The following FGF12 variants were observed in gnomAD, a reference collection of about 807,000 sequenced individuals.
FGF12 encodes fibroblast growth factor 12, also known as fibroblast growth factor 12B.
A neutral mutation model predicts 23.6 loss-of-function variants in FGF12; 14 were observed. The ratio of observed to expected loss-of-function variants is 0.59; its 90% CI spans 0.39 to 0.93. The LOEUF (loss-of-function observed/expected upper bound fraction) is 0.93. Among genes scored for constraint, FGF12 ranks in the 40% least tolerant of loss-of-function variants. The pLI is 0.00. For missense variants in FGF12, 175 were observed against 217.8 expected (o/e 0.80, Z 1.24); for synonymous variants, 62 against 77.3 (o/e 0.80, Z 1.04).
At chr3:192,265,450 T>C (rs1052843097) in intron 4 of FGF12, 1 of 152,144 alleles carries the variant, frequency 6.6e-6, no homozygotes, top group Non-Finnish European at 1.5e-5. Context: ...TTATTTCTCA[T>C]GATAAGTATT....
At chr3:192,199,513 GA>G (rs1717249668) in intron 4 of FGF12, among the ~76,000 whole-genome samples, 1 of 152,174 alleles carries the variant, frequency 6.6e-6, no homozygotes, top group Non-Finnish European at 1.5e-5. Flanking sequence ...CTAACAAATG[GA>G]GGCCAAATGT....
chr3:192,184,504 T>C (rs1042119187), intron 4 of FGF12, among the ~76,000 whole-genome samples: 1 of 152,114 alleles, frequency 6.6e-6, no homozygotes, highest in Admixed American at 6.5e-5. Flanking sequence ...TGGTCTGAAT[T>C]AGAGATGGTG....
At chr3:192,187,209 G>A (rs1406087022) in intron 4 of FGF12, among the ~76,000 whole-genome samples, 1 of 152,158 alleles carries the variant, frequency 6.6e-6, no homozygotes, top group South Asian at 2.1e-4. Flanking sequence ...CTGTGTGGGA[G>A]AGCAGAACAA....
intron 2 of FGF12, among the ~76,000 whole-genome samples, chr3:192,605,683 AC>A (rs751239291): frequency 2.0e-5 from 3 of 152,220 alleles, no homozygotes; most frequent in East Asian, 1.9e-4. Flanking sequence ...AAAAGGCCCA[AC>A]AAAAACAGAA....
At chr3:192,198,863 A>T (rs533419458) in intron 4 of FGF12, among the ~76,000 whole-genome samples, 1 of 152,362 alleles carries the variant, frequency 6.6e-6, no homozygotes, top group Admixed American at 6.5e-5. Flanking sequence ...ACTACCAGAG[A>T]CACAGCTCTT....
At chr3:192,702,585 G>A (rs991625321) in intron 2 of FGF12, among the ~76,000 whole-genome samples, 10 of 152,092 alleles carry the variant, frequency 6.6e-5, no homozygotes, top group African/African-American at 2.4e-4. Context: ...TTGAGTCCAG[G>A]AGTTTAAGAT....
At chr3:192,493,871 C>G (rs1367645173) in intron 2 of FGF12, among the ~76,000 whole-genome samples, 1 of 152,132 alleles carries the variant, frequency 6.6e-6, no homozygotes, top group East Asian at 1.9e-4. Flanking sequence ...CTGGGAATTA[C>G]ATTTTAACCT....
chr3:192,172,935 G>A (rs1358329242), intron 4 of FGF12, among the ~76,000 whole-genome samples: 1 of 150,980 alleles, frequency 6.6e-6, no homozygotes, highest in Non-Finnish European at 1.5e-5. Flanking sequence ...TCTACAGAAT[G>A]CAACTGTAAT....
intron 2 of FGF12, among the ~76,000 whole-genome samples, chr3:192,664,567 G>T (rs1005115642): frequency 7.5e-6 from 1 of 133,022 alleles, no homozygotes; most frequent in Non-Finnish European, 1.6e-5. Context: ...TGGTTAAAAT[G>T]ATGAAACCCT....
chr3:192,472,904 A>G (rs1723213135), intron 2 of FGF12, among the ~76,000 whole-genome samples: 1 of 152,140 alleles, frequency 6.6e-6, no homozygotes, highest in Admixed American at 6.5e-5. Flanking sequence ...TTCTACCTAA[A>G]TAATTCCTAT....
At chr3:192,167,772 A>ATATATTTTT (rs1715302128) in intron 5 of FGF12, among the ~76,000 whole-genome samples, 4 of 15,394 alleles carry the variant, frequency 2.6e-4, no homozygotes, top group Admixed American at 1.2e-3. Flanking sequence ...TATATATAAA[A>ATATATTTTT]TTTTTTTTTT....
In FGF12 at chr3:192,467,823, T is replaced by C. The variant is rs558924475; in HGVS notation, c.14-107285A>G. Among the ~76,000 whole-genome samples the C allele has an allele frequency of 1.2e-4, 19 of 152,306 alleles. No individual in the cohort carries two copies. In the South Asian group the frequency reaches 3.9e-3, roughly 32 times the overall value. On this transcript the variant is annotated intron_variant, in intron 2 of 5. Transcript: ENST00000445105. The stretch of plus-strand genomic sequence containing the variant: ...TGACTCCCAGGTCAATGTCCTACAC[T>C]TAACATGTAGCAAAGCTGTCTCAGA...
At chr3:192,326,831 C>T (rs1362999349) in intron 4 of FGF12, among the ~76,000 whole-genome samples, 1 of 152,120 alleles carries the variant, frequency 6.6e-6, no homozygotes, top group Non-Finnish European at 1.5e-5. Context: ...TTTTCTTAAC[C>T]TGCCTCACAA....
intron 2 of FGF12, among the ~76,000 whole-genome samples, chr3:192,644,981 T>C (rs1715948693): frequency 6.6e-6 from 1 of 152,062 alleles, no homozygotes; most frequent in Admixed American, 6.6e-5. Context: ...GTTAAGTAGA[T>C]GGGAGAAAGA....
Position 192,727,481 on chromosome 3 carries a change from T to TTTA in FGF12, c.-131+2_-131+3insTAA, listed in dbSNP as rs1719263854. ...GCTCAGATTTTTTTTTTTTTTTTTT[T>TTTA]ACCTGGGTCTGGAAGCTGCAGGCAG... On this transcript the variant is annotated splice_region_variant and intron_variant, in intron 1 of 5. Transcript: ENST00000445105. 1.5e-6 allele frequency: 1 copy of TTTA among 672,894 alleles called. No homozygotes were observed. Among genetic ancestry groups the TTTA allele is most frequent in the Non-Finnish European group, 2.4e-6 (1 of 425,288 alleles). 41.7% of individuals were successfully genotyped at this position (672,894 alleles called of 1,614,324 possible). A position where few individuals can be genotyped will look rare whatever the true frequency, so the allele number is the denominator to read the frequency against.
At chr3:192,722,926 TTTAAA>T (rs1327777083) in intron 2 of FGF12, among the ~76,000 whole-genome samples, 2 of 152,158 alleles carry the variant, frequency 1.3e-5, no homozygotes, top group Non-Finnish European at 2.9e-5. Flanking sequence ...TAAATATTTG[TTTAAA>T]TAAAAAGCAC....
Position 192,605,174 on chromosome 3 carries a change from C to T in FGF12, c.13+122007G>A, listed in dbSNP as rs902716375. Among the ~76,000 whole-genome samples, 7 of 151,970 alleles carry T rather than the reference C, an allele frequency of 4.6e-5. No homozygotes were observed. In the South Asian group the frequency reaches 6.2e-4, roughly 14 times the overall value. Reference sequence around the variant, plus strand: ...TAGGCGGATCATCAGGTCAGGAGATCGAGACCATCCTGGCCAACATGGTGA... The same window carrying T: ...TAGGCGGATCATCAGGTCAGGAGATTGAGACCATCCTGGCCAACATGGTGA... On this transcript the variant is annotated intron_variant, in intron 2 of 5. Transcript: ENST00000445105.
At chr3:192,393,360 T>C (rs1308608306) in intron 2 of FGF12, among the ~76,000 whole-genome samples, 1 of 152,232 alleles carries the variant, frequency 6.6e-6, no homozygotes, top group Non-Finnish European at 1.5e-5. Context: ...GAAATAATCC[T>C]ATAGGAGCCC....
intron 2 of FGF12, among the ~76,000 whole-genome samples, chr3:192,472,637 C>G (rs1262644205): frequency 6.6e-6 from 1 of 152,136 alleles, no homozygotes; most frequent in African/African-American, 2.4e-5. Flanking sequence ...CAGCATCCAG[C>G]TATTCCACAG....
Sources: gnomAD v4.1 joint callset for allele counts (sites outside exome capture counted in the v4.1 genomes callset) on GRCh38, gnomAD v4.1.1 for gene constraint, MANE v1.5 for transcripts, NCBI Gene and HGNC (gene_info 2026-07-23, HGNC 2026-07-21) for gene names.